The following DGKD variants were observed in gnomAD, a reference collection of about 807,000 sequenced individuals.
The protein encoded by DGKD is DAG kinase delta.
In DGKD, 68 loss-of-function variants were observed where a neutral mutation model predicts 154.4. The observed-to-expected ratio is 0.44, with a 90% CI of 0.36 to 0.54. DGKD has a LOEUF of 0.54. Ranked by LOEUF, DGKD falls within the 20% of genes least tolerant of loss-of-function variation. The probability of loss-of-function intolerance (pLI) is 0.00; values close to 1 mark genes in which losing one functional copy is unlikely to be tolerated. For missense variants in DGKD, 1,343 were observed against 1,593.6 expected (o/e 0.84, Z 2.68); for synonymous variants, 693 against 638.0 (o/e 1.09, Z -1.30).
chr2:233,441,762 G>A lies in DGKD; in HGVS notation c.1086-125G>A, dbSNP rs987445816. 11 of 813,470 alleles carry A rather than the reference G, an allele frequency of 1.4e-5. No individual in the cohort carries two copies. The highest frequency in any genetic ancestry group is 7.7e-5 in the East Asian group (3 of 38,800). The allele number at this position is 813,470 out of a possible 1,614,324, so 50.4% of individuals were successfully genotyped here. On this transcript the variant is annotated intron_variant, in intron 9 of 29. Coordinates refer to ENST00000264057, the MANE Select transcript of DGKD (RefSeq NM_152879.3). This position sits in a 1 kb window ranked among gnomAD's most constrained non-coding sequence, Gnocchi z 5.6. Reference sequence around the variant, plus strand: ...TGGTGTCACGTGGCAGGGCCTGTGCGTGCTCTGCCTCTGGTGCAGGTCAGC... The same window carrying A: ...TGGTGTCACGTGGCAGGGCCTGTGCATGCTCTGCCTCTGGTGCAGGTCAGC...
intron 2 of DGKD, among the ~76,000 whole-genome samples, chr2:233,389,723 G>A (rs1703458967): frequency 6.6e-6 from 1 of 152,186 alleles, no homozygotes; most frequent in Non-Finnish European, 1.5e-5. Flanking sequence ...GTAGAATAGA[G>A]GGGATGGTAT....
At chr2:233,464,594 C>A (rs1437037212) in intron 27 of DGKD, among the ~76,000 whole-genome samples, 1 of 152,212 alleles carries the variant, frequency 6.6e-6, no homozygotes, top group African/African-American at 2.4e-5. Flanking sequence ...CCACAGCCTC[C>A]CCCGAGGGTG....
Position 233,440,276 on chromosome 2 carries a change from G to A in DGKD, c.1086-1611G>A, listed in dbSNP as rs2062841840. Among the ~76,000 whole-genome samples the A allele has an allele frequency of 6.6e-6, 1 of 152,162 alleles. No individual in the cohort carries two copies. Among genetic ancestry groups the A allele is most frequent in the Non-Finnish European group, 1.5e-5 (1 of 68,022 alleles). On this transcript the variant is annotated intron_variant, in intron 9 of 29. Coordinates refer to ENST00000264057, the MANE Select transcript of DGKD (RefSeq NM_152879.3). The surrounding 1 kb of genome is among the most constrained non-coding windows in gnomAD (Gnocchi z 4.9). ...TGTCACCTCTTCTCCCGAGAGCAGG[G>A]GGCCTTACAGGTGTCAGTGTTCTGT...
At position 233,388,316 on chromosome 2, in the gene DGKD, G is replaced by C; in HGVS notation, c.216G>C (p.Arg72Ser). Residue 72 changes from arginine (R) to serine (S), a missense_variant, in exon 2 of 30, where the codon AGG becomes AGC. Transcript: ENST00000264057. ...KQNNSFQRSK[R>S]RYFKLRGRTL... Reference sequence around the variant, plus strand: ...ACAATTCATTCCAGCGATCAAAAAGGAGATACTTTAAGCTTCGAGGGCGAA... The same window carrying C: ...ACAATTCATTCCAGCGATCAAAAAGCAGATACTTTAAGCTTCGAGGGCGAA... 6.2e-7 allele frequency: 1 copy of C among 1,614,152 alleles called. No individual in the cohort carries two copies. Among genetic ancestry groups the C allele is most frequent in the Middle Eastern group, 1.7e-4 (1 of 6,060 alleles).
Position 233,457,083 on chromosome 2 carries a change from C to T in DGKD, c.2472+88C>T. The T allele has an allele frequency of 2.2e-6, 3 of 1,357,212 alleles. No homozygotes were observed. Among genetic ancestry groups the T allele is most frequent in the East Asian group, 2.3e-5 (1 of 43,524 alleles). The allele number at this position is 1,357,212 out of a possible 1,614,324, so 84.1% of individuals were successfully genotyped here. On this transcript the variant is annotated intron_variant, in intron 20 of 29. Coordinates refer to ENST00000264057, the MANE Select transcript of DGKD (RefSeq NM_152879.3). The surrounding 1 kb of genome is among the most constrained non-coding windows in gnomAD (Gnocchi z 5.5). The stretch of plus-strand genomic sequence containing the variant: ...TATTGCTTCTCCTGTTGACCATTTC[C>T]TCCATGCACAGGGACTTGCCTGGGG...
At chr2:233,407,059 C>G (rs1317697190) in intron 3 of DGKD, among the ~76,000 whole-genome samples, 3 of 152,196 alleles carry the variant, frequency 2.0e-5, no homozygotes, top group African/African-American at 7.2e-5. Flanking sequence ...CTTTCTGAGA[C>G]TCAATTTTCT....
intron 28 of DGKD, among the ~76,000 whole-genome samples, chr2:233,467,626 C>T (rs1193867295): frequency 6.6e-6 from 1 of 152,186 alleles, no homozygotes; most frequent in African/African-American, 2.4e-5. Context: ...CCCAGGCCAC[C>T]AGAGATTGTG....
intron 1 of DGKD, chr2:233,379,919 C>A (rs1353884184): frequency 1.3e-5 from 2 of 152,084 alleles, no homozygotes; most frequent in Non-Finnish European, 2.9e-5. Context: ...TGATTGTGAA[C>A]CATCGTTTGA....
intron 1 of DGKD, among the ~76,000 whole-genome samples, chr2:233,370,640 C>T (rs1702273568): frequency 1.4e-5 from 2 of 144,728 alleles, no homozygotes; most frequent in Admixed American, 1.4e-4. Flanking sequence ...TTTGTTTGCT[C>T]ATTCATCGGT....
At chr2:233,422,560 A>G (rs899556756) in intron 3 of DGKD, among the ~76,000 whole-genome samples, 2 of 152,144 alleles carry the variant, frequency 1.3e-5, no homozygotes, top group Non-Finnish European at 2.9e-5. Flanking sequence ...TGTCCACATA[A>G]TATTTTCTTG....
intron 3 of DGKD, among the ~76,000 whole-genome samples, chr2:233,402,384 C>T (rs922320679): frequency 6.6e-6 from 1 of 152,192 alleles, no homozygotes; most frequent in Non-Finnish European, 1.5e-5. Flanking sequence ...GCACAAGCTC[C>T]CTAGTAATGT....
intron 28 of DGKD, among the ~76,000 whole-genome samples, chr2:233,468,178 A>C (rs1398530225): frequency 6.7e-6 from 1 of 148,972 alleles, no homozygotes; most frequent in African/African-American, 2.5e-5. Context: ...GGTGATGGAT[A>C]CCGGCTGCCA....
chr2:233,368,856 T>G (rs1702171118), intron 1 of DGKD, among the ~76,000 whole-genome samples: 1 of 152,248 alleles, frequency 6.6e-6, no homozygotes, highest in Non-Finnish European at 1.5e-5. Flanking sequence ...TGTTGCGATC[T>G]GTTTTCATCT....
intron 1 of DGKD, among the ~76,000 whole-genome samples, chr2:233,362,105 G>T (rs762604515): frequency 6.6e-6 from 1 of 151,970 alleles, no homozygotes; most frequent in African/African-American, 2.4e-5. Flanking sequence ...GCCAATAAAA[G>T]AAAATTATAA....
In DGKD at chr2:233,354,806, C is replaced by T. The variant is rs1172061887; in HGVS notation, c.156+132C>T. 6.5e-5 allele frequency: 24 copies of T among 367,720 alleles called. No individual in the cohort carries two copies. The highest frequency in any genetic ancestry group is 4.9e-4 in the African/African-American group (22 of 45,242). 22.8% of individuals were successfully genotyped at this position (367,720 alleles called of 1,614,324 possible). On this transcript the variant is annotated intron_variant, in intron 1 of 29. Coordinates refer to ENST00000264057, the MANE Select transcript of DGKD (RefSeq NM_152879.3). This position sits in a 1 kb window ranked among gnomAD's most constrained non-coding sequence, Gnocchi z 4.8. ...GCCCGGGGTCCCGCGGGCGTCACCG[C>T]CCCTGTCGAGCGTGCCCCGCCGCTG...
At chr2:233,386,683 C>T (rs1438448508) in intron 1 of DGKD, among the ~76,000 whole-genome samples, 1 of 152,158 alleles carries the variant, frequency 6.6e-6, no homozygotes, top group Non-Finnish European at 1.5e-5. Context: ...TGGGTGCCTT[C>T]TTCAGAAGTG....
At chr2:233,396,349 G>A (rs186951278) in intron 3 of DGKD, among the ~76,000 whole-genome samples, 2 of 152,274 alleles carry the variant, frequency 1.3e-5, no homozygotes, top group Admixed American at 1.3e-4. Context: ...TGGTTCATGT[G>A]CTTTGTCTTG....
chr2:233,412,323 A>G (rs1309734864), intron 3 of DGKD, among the ~76,000 whole-genome samples: 1 of 152,200 alleles, frequency 6.6e-6, no homozygotes, highest in African/African-American at 2.4e-5. Context: ...TTTTCAGTGT[A>G]GATGTCTTTA....
At position 233,354,545 on chromosome 2, in the gene DGKD, G is replaced by A. The variant is rs1320670681; in HGVS notation, c.27G>A (p.Pro9=). 13 of 1,010,614 alleles carry A rather than the reference G, an allele frequency of 1.3e-5. No homozygotes were observed. The African/African-American group carries it at 1.9e-4, about 15-fold the overall frequency. 62.6% of individuals were successfully genotyped at this position (1,010,614 alleles called of 1,614,324 possible). ...TGGCGGCGGCGGCGGGCGCCCCTCC[G>A]CCGGGTCCCCCGCAACCGCCTCCGC... The part of the protein sequence containing the change: MAAAAGAP[P]PGPPQPPPPP... The change falls in exon 1 of 30, where the codon CCG becomes CCA. Residue 9 remains proline (P), a synonymous_variant. Transcript: ENST00000264057. This position sits in a 1 kb window ranked among gnomAD's most constrained non-coding sequence, Gnocchi z 4.8.
Sources: gnomAD v4.1 joint callset for allele counts (sites outside exome capture counted in the v4.1 genomes callset) on GRCh38, gnomAD v4.1.1 for gene constraint, Gnocchi (gnomAD v3.1) non-coding constraint, MANE v1.5 for transcripts, NCBI Gene and HGNC (gene_info 2026-07-23, HGNC 2026-07-21) for gene names.